The following PABIR3 variants were observed in gnomAD, a reference collection of about 807,000 sequenced individuals.
PABIR3 encodes the protein PABIR family member 1.
Under a neutral mutation model 23.1 loss-of-function variants are expected in PABIR3, and 20 were observed. The observed-to-expected ratio is 0.86, with a 90% CI of 0.61 to 1.26. The LOEUF (loss-of-function observed/expected upper bound fraction) is 1.26, where lower values mean the gene tolerates loss of function less well. PABIR3 is among the 50% of genes most tolerant of loss of function. The pLI is 0.00. For missense variants in PABIR3, 189 were observed against 195.4 expected (o/e 0.97, Z 0.20); for synonymous variants, 69 against 68.5 (o/e 1.01, Z -0.04).
chrX:134,837,286 C>T (rs1249815167), intron 4 of PABIR3, among the ~76,000 whole-genome samples: 2 of 109,976 alleles, frequency 1.8e-5, no homozygotes, highest in African/African-American at 6.6e-5. Flanking sequence ...CCAGAGGTTG[C>T]AGTGAGCTGA....
rs1302186586 is a variant in PABIR3 at position 134,847,898 on chromosome X, T to A, written c.454T>A (p.Ser152Thr). ...TTGATTTTAGCAGTGTTTCTCTCCA[T>A]CATTACAAACTTGTGTGAGTTGCAC... The part of the protein sequence containing the change: ...KKTGKQCFSP[S>T]LQTCVSCTGS... Residue 152 changes from serine to threonine, a missense_variant, in exon 8 of 11, where the codon TCA (serine) becomes ACA (threonine). Physicochemically the swap from Ser to Thr is moderately conservative, Grantham distance 58. Transcript: ENST00000645433. 1.7e-6 allele frequency: 2 copies of A among 1,153,339 alleles called. No homozygotes were observed. The highest frequency in any genetic ancestry group is 2.3e-6 in the Non-Finnish European group (2 of 872,125).
intron 2 of PABIR3, among the ~76,000 whole-genome samples, chrX:134,808,581 C>T (rs1197619936): frequency 9.0e-6 from 1 of 111,649 alleles, no homozygotes; most frequent in East Asian, 2.8e-4. Flanking sequence ...AGGGTTTCAC[C>T]GTGTTAGTCA....
intron 2 of PABIR3, chrX:134,810,275 C>T: frequency 1.3e-6 from 1 of 754,192 alleles, no homozygotes; most frequent in East Asian, 1.5e-4. Context: ...TTGCTTTGTT[C>T]TGCAAAGGAT....
At chrX:134,828,039 C>CTATATATA (rs1174836921) in intron 3 of PABIR3, among the ~76,000 whole-genome samples, 21 of 73,396 alleles carry the variant, frequency 2.9e-4, no homozygotes, top group African/African-American at 6.8e-4. Context: ...CTCTCTCTCT[C>CTATATATA]TCTCTCTCTA....
intron 3 of PABIR3, among the ~76,000 whole-genome samples, chrX:134,828,043 CTCTCTATATA>C (rs1215941069): frequency 1.2e-4 from 8 of 66,615 alleles, no homozygotes; most frequent in Admixed American, 6.5e-4. Flanking sequence ...CTCTCTCTCT[CTCTCTATATA>C]TATATATATA....
the PABIR3 span, among the ~76,000 whole-genome samples, chrX:134,862,979 A>C: frequency 1.8e-5 from 2 of 111,924 alleles, no homozygotes; most frequent in African/African-American, 6.5e-5. Flanking sequence ...TAGATTTTCC[A>C]TTCCAGTCTT....
chrX:134,827,010 G>A (rs1021321689), intron 3 of PABIR3, among the ~76,000 whole-genome samples: 2 of 110,874 alleles, frequency 1.8e-5, no homozygotes, highest in Non-Finnish European at 3.8e-5. Context: ...CCCCAGGCTG[G>A]AGTGCAGTGG....
chrX:134,806,778 C>CT (rs755771740), upstream of PABIR3, among the ~76,000 whole-genome samples: 1,769 of 82,531 alleles, frequency 0.021, 20 homozygotes, highest in African/African-American at 0.037. Flanking sequence ...GTAGCAGTAT[C>CT]TTTTTTTTTT....
chrX:134,824,287 C>A (rs1024594646), intron 3 of PABIR3, among the ~76,000 whole-genome samples: 1 of 111,316 alleles, frequency 9.0e-6, no homozygotes, highest in Non-Finnish European at 1.9e-5. Flanking sequence ...TAATGCCTAC[C>A]TCATGGGGTT....
downstream of PABIR3, among the ~76,000 whole-genome samples, chrX:134,858,709 C>T (rs986499124): frequency 9.0e-6 from 1 of 111,704 alleles, no homozygotes; most frequent in African/African-American, 3.3e-5. Context: ...CCAGCAAATA[C>T]GTAACTTCGT....
At chrX:134,859,380 A>G (rs186219813), downstream of PABIR3, among the ~76,000 whole-genome samples, 3 of 111,817 alleles carry the variant, frequency 2.7e-5, no homozygotes, top group East Asian at 8.4e-4. Context: ...TAGCTTCATC[A>G]ATAGTTTCCT....
chrX:134,807,744 T>C (rs757745326), intron 2 of PABIR3, 36 bp downstream of exon 2: 1 of 1,126,613 alleles, frequency 8.9e-7, no homozygotes, highest in Non-Finnish European at 1.2e-6. Flanking sequence ...AGGCAAGCGG[T>C]GGGGAGGAGG....
intron 9 of PABIR3, 36 bp downstream of exon 9, chrX:134,849,264 T>A: frequency 1.7e-6 from 1 of 595,780 alleles, no homozygotes; most frequent in Non-Finnish European, 2.3e-6. Flanking sequence ...AATATAACTT[T>A]AAGTTATTTT....
At chrX:134,822,240 G>C (rs2081325948) in intron 3 of PABIR3, 1 of 749,822 alleles carries the variant, frequency 1.3e-6, no homozygotes, top group African/African-American at 2.3e-5. Flanking sequence ...TCTCAGTGAA[G>C]TCATTATTTC....
chrX:134,843,420 A>G (rs758348020), intron 4 of PABIR3, among the ~76,000 whole-genome samples: 1,185 of 108,365 alleles, frequency 0.011, 14 homozygotes, highest in African/African-American at 0.036. Context: ...AAAAAAAAAA[A>G]GGGGGTTCAA....
intron 2 of PABIR3, chrX:134,809,543 C>G (rs1342995570): frequency 1.3e-6 from 1 of 750,548 alleles, no homozygotes; most frequent in African/African-American, 2.3e-5. Context: ...TTTCTAGATA[C>G]CGTAAAAATG....
rs1352395110 is a variant in PABIR3 at position 134,831,828 on chromosome X, T to G, written c.246+2546T>G. On this transcript the variant is annotated intron_variant, in intron 4 of 10. Coordinates refer to ENST00000645433, the MANE Select transcript of PABIR3 (RefSeq NM_001388447.1). ...GTCACCCTGTTGTGCTAGCAAATAC[T>G]GAGTCTTATTTGTTCTTTCTAACTA... Among the ~76,000 whole-genome samples, 4 of 111,774 alleles carry G rather than the reference T, an allele frequency of 3.6e-5. No homozygotes were observed. The Admixed American group carries it at 3.8e-4, about 11-fold the overall frequency.
chrX:134,847,788 C>T, intron 7 of PABIR3, 95 bp from the exon 8 acceptor site: 1 of 659,297 alleles, frequency 1.5e-6, no homozygotes, highest in Non-Finnish European at 2.4e-6. Context: ...ACCCCAGTCT[C>T]CCTCCCTACC....
At chrX:134,862,155 T>G in the PABIR3 span, among the ~76,000 whole-genome samples, 4 of 94,876 alleles carry the variant, frequency 4.2e-5, no homozygotes, top group East Asian at 3.2e-4. Context: ...TTTTTTTTTT[T>G]TTTTTTTTTT....
Sources: allele counts gnomAD v4.1 joint callset (sites outside exome capture counted in the v4.1 genomes callset), GRCh38; gene constraint gnomAD v4.1.1; transcripts MANE v1.5; gene names NCBI Gene and HGNC (gene_info 2026-07-23, HGNC 2026-07-21).